The following POLR3E variants were observed in gnomAD, a reference collection of about 807,000 sequenced individuals.
The protein encoded by POLR3E is DNA-directed RNA polymerase III subunit RPC5.
A neutral mutation model predicts 96.6 loss-of-function variants in POLR3E; 41 were observed. That is an observed-to-expected ratio of 0.42 (90% confidence interval 0.33 to 0.55). The LOEUF is 0.55. Ranked by LOEUF, POLR3E falls within the 20% of genes least tolerant of loss-of-function variation. POLR3E has a pLI of 0.06. For synonymous variants in POLR3E, 396 were observed against 383.6 expected (o/e 1.03, Z -0.38); for missense variants, 849 against 952.1 (o/e 0.89, Z 1.43).
chr16:22,308,119 G>A, intron 3 of POLR3E, 29 bp from the exon 4 acceptor site: 1 of 1,575,686 alleles, frequency 6.3e-7, no homozygotes. Flanking sequence ...TGGGCAGAGT[G>A]GACTTAATGG....
At chr16:22,326,413 G>A (rs1411198419) in intron 18 of POLR3E, 135 bp downstream of exon 18, 2 of 752,276 alleles carry the variant, frequency 2.7e-6, no homozygotes, top group Non-Finnish European at 4.6e-6. Context: ...TGTGACATGG[G>A]CAAGTCAGCC....
At chr16:22,312,975 G>C (rs1158275926) in intron 6 of POLR3E, among the ~76,000 whole-genome samples, 1 of 151,760 alleles carries the variant, frequency 6.6e-6, no homozygotes, top group Non-Finnish European at 1.5e-5. Context: ...AAATGGGATA[G>C]GATCAAAAGT....
At chr16:22,303,475 C>T (rs575666536) in intron 2 of POLR3E, among the ~76,000 whole-genome samples, 103 of 152,168 alleles carry the variant, frequency 6.8e-4, no homozygotes, top group African/African-American at 2.1e-3. Context: ...CCCAGGCTTA[C>T]GCAGATGTAG....
In POLR3E at chr16:22,325,851, A is replaced by AGCGGCGGAAGGAGCAGCT; in HGVS notation, c.1444_1461dup (p.Arg482_Arg487dup). 6.2e-7 allele frequency: 1 copy of AGCGGCGGAAGGAGCAGCT among 1,612,176 alleles called. No individual in the cohort carries two copies. Among genetic ancestry groups the AGCGGCGGAAGGAGCAGCT allele is most frequent in the Non-Finnish European group, 8.5e-7 (1 of 1,179,484 alleles). ...CACGCGTTGCTGGAGCGGGAGCTGC[A>AGCGGCGGAAGGAGCAGCT]GCGGCGGAAGGAGCAGCTGCGGGTG... On this transcript the variant is annotated inframe_insertion, in exon 18 of 21. Coordinates refer to ENST00000299853, the MANE Select transcript of POLR3E (RefSeq NM_018119.4).
chr16:22,332,967 CT>C (rs1166614906), intron 20 of POLR3E, among the ~76,000 whole-genome samples: 16,454 of 73,914 alleles, frequency 0.22, 785 homozygotes, highest in African/African-American at 0.34. Flanking sequence ...CGTAGACCCC[CT>C]TTTTTTTTTT....
intron 1 of POLR3E, among the ~76,000 whole-genome samples, chr16:22,302,267 C>T (rs961827562): frequency 6.6e-6 from 1 of 152,188 alleles, no homozygotes. Flanking sequence ...GATTTGAAGT[C>T]CAGTTCATCA....
In POLR3E at chr16:22,322,980, G is replaced by T. The variant is rs771466308; in HGVS notation, c.1068+49G>T. 4.5e-6 allele frequency: 6 copies of T among 1,332,244 alleles called. No homozygotes were observed. The highest frequency in any genetic ancestry group is 2.4e-5 in the East Asian group (1 of 41,772). 82.5% of individuals were successfully genotyped at this position (1,332,244 alleles called of 1,614,324 possible). A position where few individuals can be genotyped will look rare whatever the true frequency, so the allele number is the denominator to read the frequency against. On this transcript the variant is annotated intron_variant, in intron 14 of 20. Coordinates refer to ENST00000299853, the MANE Select transcript of POLR3E (RefSeq NM_018119.4). The surrounding 1 kb of genome is among the most constrained non-coding windows in gnomAD (Gnocchi z 5.2). ...CTCACGGTGGGGGCGTGGGAAGAGG[G>T]GGGCAGCGGTGCAGGGCTTCTGAAG...
In POLR3E at chr16:22,298,864, TGA is replaced by T. The variant is rs566482433; in HGVS notation, c.-39+1332_-39+1333del. The T allele has an allele frequency of 4.8e-4, 207 of 430,252 alleles. 1 individual carries two copies. The highest frequency in any genetic ancestry group is 9.0e-4 in the Non-Finnish European group (191 of 213,150). 26.7% of individuals were successfully genotyped at this position (430,252 alleles called of 1,614,324 possible). On this transcript the variant is annotated intron_variant, in intron 1 of 20. Transcript: ENST00000299853. ...TCGTGCCAGGCACTGTTCTAGGTAT[TGA>T]GAGAACCAGCACTGGATTTTTTTTT...
Position 22,325,937 on chromosome 16 carries a change from G to GA in POLR3E, c.1526dup (p.Asp509GlufsTer125), listed in dbSNP as rs1567328765. On this transcript the variant is annotated frameshift_variant, in exon 18 of 21. Coordinates refer to ENST00000299853, the MANE Select transcript of POLR3E (RefSeq NM_018119.4). LOFTEE classifies it high-confidence loss of function. ...GCCCGTGAGCGAGGAGGGCGAGGAG[G>GA]ACGAGGAGCAGGAGGCGGAGGAGGA... 6.3e-7 allele frequency: 1 copy of GA among 1,595,410 alleles called. No individual in the cohort carries two copies. Among genetic ancestry groups the GA allele is most frequent in the Admixed American group, 1.8e-5 (1 of 56,102 alleles).
chr16:22,307,945 G>A (rs1567311303), intron 3 of POLR3E, among the ~76,000 whole-genome samples: 1 of 152,150 alleles, frequency 6.6e-6, no homozygotes, highest in African/African-American at 2.4e-5. Context: ...GAAGGAGGCC[G>A]TGGGGAGCTG....
Position 22,328,505 on chromosome 16 carries a change from G to A in POLR3E, c.1867-5G>A, listed in dbSNP as rs2048660019. 1.2e-6 allele frequency: 2 copies of A among 1,613,622 alleles called. No individual in the cohort carries two copies. ...ACAAGCAACTCACCCCTGGGCCTTG[G>A]TCAGTTTCCCCCCCAGACTGCTGCT... On this transcript the variant is annotated splice_region_variant and splice_polypyrimidine_tract_variant and intron_variant, in intron 18 of 20. Coordinates refer to ENST00000299853, the MANE Select transcript of POLR3E (RefSeq NM_018119.4).
chr16:22,324,268 C>A, intron 14 of POLR3E, 86 bp from the exon 15 acceptor site: 1 of 1,093,856 alleles, frequency 9.1e-7, no homozygotes, highest in Non-Finnish European at 1.4e-6. Context: ...CAGGCTCCAG[C>A]TCCCAGGCCT....
At chr16:22,321,929 A>G (rs759854475) in intron 13 of POLR3E, among the ~76,000 whole-genome samples, 2 of 152,158 alleles carry the variant, frequency 1.3e-5, no homozygotes, top group African/African-American at 2.4e-5. Flanking sequence ...TTCAGTCACT[A>G]TGGCTAGACT....
At chr16:22,298,865 G>C (rs1189417773) in intron 1 of POLR3E, 2 of 430,740 alleles carry the variant, frequency 4.6e-6, no homozygotes, top group Non-Finnish European at 9.4e-6. Flanking sequence ...TCTAGGTATT[G>C]AGAGAACCAG....
At chr16:22,333,122 G>T (rs1435187984) in intron 20 of POLR3E, among the ~76,000 whole-genome samples, 2 of 149,268 alleles carry the variant, frequency 1.3e-5, no homozygotes, top group Admixed American at 1.3e-4. Flanking sequence ...TTACAGGTGT[G>T]AGCCACCATG....
At position 22,313,624 on chromosome 16, in the gene POLR3E, G is replaced by A. The variant is rs181422557; in HGVS notation, c.369G>A (p.Glu123=). 3.1e-6 allele frequency: 5 copies of A among 1,607,918 alleles called. No homozygotes were observed. In the Admixed American group the frequency reaches 5.0e-5, roughly 16 times the overall value. ...AAGCCCTTCTTCCTCCGCCAGGTGA[G>A]CTCCACCTGACACCTTTACATGGCA... The part of the protein sequence containing the change: ...RYAAALYRQG[E]LHLTPLHGIL... The change falls in exon 7 of 21, where the codon GAG becomes GAA. Residue 123 remains glutamate (E), a synonymous_variant. Coordinates refer to ENST00000299853, the MANE Select transcript of POLR3E (RefSeq NM_018119.4). This position sits in a 1 kb window ranked among gnomAD's most constrained non-coding sequence, Gnocchi z 4.1.
Position 22,318,749 on chromosome 16 carries a change from C to T in POLR3E, c.866-77C>T. On this transcript the variant is annotated intron_variant, in intron 12 of 20. Transcript: ENST00000299853. The surrounding 1 kb of genome is among the most constrained non-coding windows in gnomAD (Gnocchi z 5.0). ...CTGGGGTTATTACATGAACTTGAAG[C>T]TATGCGGACTCTCGGTGGAGGGGAG... 6.7e-7 allele frequency: 1 copy of T among 1,503,704 alleles called. No homozygotes were observed. Among genetic ancestry groups the T allele is most frequent in the Non-Finnish European group, 9.1e-7 (1 of 1,100,710 alleles). The allele number at this position is 1,503,704 out of a possible 1,614,324, so 93.1% of individuals were successfully genotyped here. A position where few individuals can be genotyped will look rare whatever the true frequency, so the allele number is the denominator to read the frequency against.
rs58949663 is a variant in POLR3E, at chr16:22,303,639, C to CTTTTTTTTTTTTTTTTTTTTTTTTTTTT, written c.36+653_36+654insTTTTTTTTTTTTTTTTTTTTTTTTTTTT. On this transcript the variant is annotated intron_variant, in intron 2 of 20. Coordinates refer to ENST00000299853, the MANE Select transcript of POLR3E (RefSeq NM_018119.4). ...TACAGGCAGTGGGAGGCAGATTTCC[C>CTTTTTTTTTTTTTTTTTTTTTTTTTTTT]TTTTTTTTTTTTTTTTTTGGAGACA... 9.6e-5 allele frequency among the ~76,000 whole-genome samples: 11 copies of CTTTTTTTTTTTTTTTTTTTTTTTTTTTT among 114,224 alleles called. 2 individuals carry two copies. The highest frequency in any genetic ancestry group is 4.8e-4 in the African/African-American group (10 of 20,798). The allele number at this position is 114,224 out of a possible 152,430, so 74.9% of individuals were successfully genotyped here. A position where few individuals can be genotyped will look rare whatever the true frequency, so the allele number is the denominator to read the frequency against.
chr16:22,305,471 C>G lies in POLR3E; in HGVS notation c.87+265C>G, dbSNP rs1298120315. 5 of 673,854 alleles carry G rather than the reference C, an allele frequency of 7.4e-6. No homozygotes were observed. In the Admixed American group the frequency reaches 8.1e-5, roughly 11 times the overall value. 41.7% of individuals were successfully genotyped at this position (673,854 alleles called of 1,614,324 possible). A position where few individuals can be genotyped will look rare whatever the true frequency, so the allele number is the denominator to read the frequency against. On this transcript the variant is annotated intron_variant, in intron 3 of 20. Coordinates refer to ENST00000299853, the MANE Select transcript of POLR3E (RefSeq NM_018119.4). ...AGACCGGATTGAGATCCAACTCCAT[C>G]ACACCATAGCTGCGAGACCGTGGGC...
Sources: allele counts gnomAD v4.1 joint callset (sites outside exome capture counted in the v4.1 genomes callset), GRCh38; gene constraint gnomAD v4.1.1; non-coding constraint Gnocchi (gnomAD v3.1); transcripts MANE v1.5; gene names NCBI Gene and HGNC (gene_info 2026-07-23, HGNC 2026-07-21).